DZIP1: variants seen among roughly 807,000 people sequenced by gnomAD.
DZIP1 encodes the protein DAZ interacting zinc finger protein 1.
A neutral mutation model predicts 107.6 loss-of-function variants in DZIP1; 97 were observed. The ratio of observed to expected loss-of-function variants is 0.90; its 90% CI spans 0.77 to 1.07. The LOEUF (loss-of-function observed/expected upper bound fraction) is 1.07. Among genes scored for constraint, DZIP1 ranks in the 50% least tolerant of loss-of-function variants. DZIP1 has a pLI of 0.00. For missense variants in DZIP1, 1,035 were observed against 1,063.6 expected (o/e 0.97, Z 0.37); for synonymous variants, 390 against 386.4 (o/e 1.01, Z -0.11).
intron 3 of DZIP1, among the ~76,000 whole-genome samples, chr13:95,642,823 C>A (rs914176638): frequency 1.3e-5 from 2 of 150,140 alleles, no homozygotes; most frequent in African/African-American, 4.8e-5. Flanking sequence ...ATTTCTGACA[C>A]CCAAGTTGCT....
At chr13:95,599,912 C>T (rs148613866) in intron 14 of DZIP1, among the ~76,000 whole-genome samples, 17 of 152,276 alleles carry the variant, frequency 1.1e-4, no homozygotes, top group African/African-American at 3.6e-4. Flanking sequence ...GAACGACAGG[C>T]GAGAGGTCAG....
chr13:95,641,955 G>A lies in DZIP1; in HGVS notation c.36+39C>T. 1.9e-6 allele frequency: 3 copies of A among 1,560,600 alleles called. No individual in the cohort carries two copies. The highest frequency in any genetic ancestry group is 1.2e-5 in the South Asian group (1 of 85,202). On this transcript the variant is annotated intron_variant, in intron 4 of 22. Coordinates refer to ENST00000376829, the MANE Select transcript of DZIP1 (RefSeq NM_198968.4). This position sits in a 1 kb window ranked among gnomAD's most constrained non-coding sequence, Gnocchi z 4.3. The stretch of plus-strand genomic sequence containing the variant: ...GGAAGCCCCGGTTCTCCCCAGCCCG[G>A]CATCCCCGTCGGGGGCGCCCCGGCC...
chr13:95,630,175 G>T, intron 6 of DZIP1, 62 bp from the exon 7 acceptor site: 1 of 1,563,438 alleles, frequency 6.4e-7, no homozygotes, highest in Admixed American at 1.8e-5. Context: ...GGAAACTTAT[G>T]GGGTACAGTC....
rs2043969947 is a variant in DZIP1 at position 95,578,493 on chromosome 13, C to T, written c.*3741G>A. 1 of 152,208 alleles carries T rather than the reference C, an allele frequency of 6.6e-6. No individual in the cohort carries two copies. 9.4% of individuals were successfully genotyped at this position (152,208 alleles called of 1,614,324 possible). A position where few individuals can be genotyped will look rare whatever the true frequency, so the allele number is the denominator to read the frequency against. Reference sequence around the variant, plus strand: ...GTTACTGGCTGCACACAGGCAAATTCTAGTTTGTTTTTTTTAAGTATTCTA... The same window carrying T: ...GTTACTGGCTGCACACAGGCAAATTTTAGTTTGTTTTTTTTAAGTATTCTA... On this transcript the variant is annotated 3_prime_UTR_variant, in exon 23 of 23. Coordinates refer to ENST00000376829, the MANE Select transcript of DZIP1 (RefSeq NM_198968.4).
Position 95,605,994 on chromosome 13 carries a change from G to GA in DZIP1, c.1477+8dup. The GA allele has an allele frequency of 6.2e-7, 1 of 1,613,726 alleles. No homozygotes were observed. The highest frequency in any genetic ancestry group is 8.5e-7 in the Non-Finnish European group (1 of 1,179,788). On this transcript the variant is annotated intron_variant, in intron 14 of 22. Transcript: ENST00000376829. ...CACATAAAACGCTGAGACTATTACTGAAACTTACCATGCACCATTGGCAGA... is the reference window on the plus strand; with the variant it reads ...CACATAAAACGCTGAGACTATTACTGAAAACTTACCATGCACCATTGGCAGA...
Position 95,642,111 on chromosome 13 carries a change from C to T in DZIP1, c.-82G>A, listed in dbSNP as rs1430962977. On this transcript the variant is annotated 5_prime_UTR_variant, in exon 4 of 23. Transcript: ENST00000376829. ...ACAGCCCTCAGGAGCGGGAGAAGGC[C>T]GGGTTCCTCGCTTCCGCGGCGGCGG... The T allele has an allele frequency of 3.4e-5, 49 of 1,425,034 alleles. 2 individuals carry two copies. In the South Asian group the frequency reaches 7.4e-4, roughly 21 times the overall value. 88.3% of individuals were successfully genotyped at this position (1,425,034 alleles called of 1,614,324 possible).
chr13:95,585,792 TG>T (rs895103928), intron 21 of DZIP1, among the ~76,000 whole-genome samples: 3 of 152,234 alleles, frequency 2.0e-5, no homozygotes, highest in African/African-American at 7.2e-5. Flanking sequence ...ACCTGTAAAG[TG>T]TCATGCTTAT....
Position 95,641,291 on chromosome 13 carries a change from C to A in DZIP1, c.597+4G>T, listed in dbSNP as rs750892688. 6.4e-7 allele frequency: 1 copy of A among 1,571,386 alleles called. No individual in the cohort carries two copies. The highest frequency in any genetic ancestry group is 2.3e-5 in the East Asian group (1 of 44,170). ...ATGAATCGTGCTCACACACAGCTGC[C>A]CACCTGGTAATAGTTGGCTTTGGCC... On this transcript the variant is annotated splice_donor_region_variant and intron_variant, in intron 5 of 22. Transcript: ENST00000376829. The surrounding 1 kb of genome is among the most constrained non-coding windows in gnomAD (Gnocchi z 4.3).
At chr13:95,615,022 T>G (rs1874871354) in intron 10 of DZIP1, among the ~76,000 whole-genome samples, 1 of 152,116 alleles carries the variant, frequency 6.6e-6, no homozygotes. Flanking sequence ...TGTTAGGGTT[T>G]AAGAGCAAAG....
chr13:95,637,734 C>T (rs1412631184), intron 5 of DZIP1, among the ~76,000 whole-genome samples: 2 of 152,082 alleles, frequency 1.3e-5, no homozygotes, highest in African/African-American at 4.8e-5. Flanking sequence ...GGAACCATCC[C>T]TGTTGACACC....
At chr13:95,642,341 T>G in intron 3 of DZIP1, 100 bp from the exon 4 acceptor site, 3 of 326,958 alleles carry the variant, frequency 9.2e-6, no homozygotes, top group Non-Finnish European at 1.1e-5. Context: ...GGCGCCACCC[T>G]CCCTGGCGTT....
intron 19 of DZIP1, chr13:95,588,085 ATTAC>A (rs1163427615): frequency 1.1e-5 from 2 of 175,358 alleles, no homozygotes; most frequent in Admixed American, 1.2e-4. Context: ...AAATTGTGTC[ATTAC>A]TTACAGCTTC....
chr13:95,584,336 C>A (rs1395984871), intron 22 of DZIP1, among the ~76,000 whole-genome samples: 2 of 151,270 alleles, frequency 1.3e-5, no homozygotes, highest in Non-Finnish European at 2.9e-5. Flanking sequence ...TGGCCCATGC[C>A]TGTAATCCCA....
chr13:95,610,392 C>G (rs2044958989), intron 12 of DZIP1, among the ~76,000 whole-genome samples: 1 of 151,758 alleles, frequency 6.6e-6, no homozygotes, highest in Admixed American at 6.6e-5. Flanking sequence ...CTCACTGCAG[C>G]CTTGAATTTC....
intron 7 of DZIP1, among the ~76,000 whole-genome samples, chr13:95,626,493 A>C (rs1358313990): frequency 1.3e-5 from 2 of 152,212 alleles, no homozygotes; most frequent in African/African-American, 4.8e-5. Flanking sequence ...AGACTGACCC[A>C]ATACAAAGGA....
chr13:95,638,495 C>A (rs536972993), intron 5 of DZIP1, among the ~76,000 whole-genome samples: 1 of 152,220 alleles, frequency 6.6e-6, no homozygotes, highest in East Asian at 1.9e-4. Context: ...ATTTGAAAAT[C>A]GATGAGATTT....
chr13:95,603,925 T>TC lies in DZIP1; in HGVS notation c.1477+2077dup, dbSNP rs1594675551. Among the ~76,000 whole-genome samples the TC allele has an allele frequency of 4.6e-5, 7 of 152,184 alleles. No individual in the cohort carries two copies. In the East Asian group the frequency reaches 1.4e-3, roughly 29 times the overall value. ...TGGCTCCTAGCAGCTCACAGTGGAG[T>TC]CCCTTCCAGGCTGCTTTAGCTCACC... is the stretch of plus-strand genomic sequence containing the variant. On this transcript the variant is annotated intron_variant, in intron 14 of 22. Coordinates refer to ENST00000376829, the MANE Select transcript of DZIP1 (RefSeq NM_198968.4).
chr13:95,592,343 A>G (rs1345047457), intron 16 of DZIP1, among the ~76,000 whole-genome samples: 2 of 152,230 alleles, frequency 1.3e-5, no homozygotes, highest in African/African-American at 4.8e-5. Flanking sequence ...ACCACTTGCA[A>G]ACAACCAATA....
rs2044022061 is a variant in DZIP1 at position 95,582,085 on chromosome 13, T to C, written c.*149A>G. 2.9e-6 allele frequency: 2 copies of C among 695,308 alleles called. No individual in the cohort carries two copies. The highest frequency in any genetic ancestry group is 2.3e-5 in the Admixed American group (1 of 43,078). The allele number at this position is 695,308 out of a possible 1,614,324, so 43.1% of individuals were successfully genotyped here. Reference sequence around the variant, plus strand: ...ATTTTCAATACTGTATTGGGTGCCATTAAAGAGACCATTGTTCTTTGAATC... The same window carrying C: ...ATTTTCAATACTGTATTGGGTGCCACTAAAGAGACCATTGTTCTTTGAATC... On this transcript the variant is annotated 3_prime_UTR_variant, in exon 23 of 23. Coordinates refer to ENST00000376829, the MANE Select transcript of DZIP1 (RefSeq NM_198968.4).
Sources: allele counts gnomAD v4.1 joint callset (sites outside exome capture counted in the v4.1 genomes callset), GRCh38; gene constraint gnomAD v4.1.1; non-coding constraint Gnocchi (gnomAD v3.1); transcripts MANE v1.5; gene names NCBI Gene and HGNC (gene_info 2026-07-23, HGNC 2026-07-21).